The following PTCHD1 variants were observed in gnomAD, a reference collection of about 807,000 sequenced individuals.
The protein encoded by PTCHD1 is patched domain containing 1, also known as patched domain-containing protein 1.
PTCHD1 carries 3 observed loss-of-function variants against 34.6 expected under a neutral mutation model. The ratio of observed to expected loss-of-function variants is 0.09; its 90% CI spans 0.04 to 0.22. The LOEUF (loss-of-function observed/expected upper bound fraction) is 0.22. Ranked by LOEUF, PTCHD1 falls within the 10% of genes least tolerant of loss-of-function variation. The pLI is 1.00. For synonymous variants in PTCHD1, 305 were observed against 283.1 expected (o/e 1.08, Z -0.77); for missense variants, 504 against 685.5 (o/e 0.74, Z 2.96).
rs781260131 is a variant in PTCHD1, at chrX:23,395,634, C to T, written c.*1449C>T. On this transcript the variant is annotated 3_prime_UTR_variant, in exon 3 of 3. Transcript: ENST00000379361. ...CAGAAGAATGGTTCATAGATCTAAA[C>T]AGAAATGGTTTAGATCTAAAAAGGC... is the stretch of plus-strand genomic sequence containing the variant. 2 of 111,906 alleles carry T rather than the reference C, an allele frequency of 1.8e-5. No individual in the cohort carries two copies. Among genetic ancestry groups the T allele is most frequent in the East Asian group, 2.8e-4 (1 of 3,570 alleles). 9.2% of individuals were successfully genotyped at this position (111,906 alleles called of 1,213,427 possible). A position where few individuals can be genotyped will look rare whatever the true frequency, so the allele number is the denominator to read the frequency against.
At chrX:23,362,315 A>C (rs1922010189) in intron 1 of PTCHD1, among the ~76,000 whole-genome samples, 1 of 111,724 alleles carries the variant, frequency 9.0e-6, no homozygotes, top group South Asian at 3.8e-4. Flanking sequence ...GTCTTTTCAC[A>C]GTCCCATATT....
chrX:23,344,749 C>CA (rs755512216), intron 1 of PTCHD1, among the ~76,000 whole-genome samples: 1 of 111,092 alleles, frequency 9.0e-6, no homozygotes, highest in Admixed American at 9.5e-5. Flanking sequence ...GCTTTGCACA[C>CA]AAAAAAAGCC....
chrX:23,393,074 A>G lies in PTCHD1; in HGVS notation c.1556A>G (p.Tyr519Cys). The change falls in exon 3 of 3, where the codon TAT becomes TGT. Residue 519 changes from tyrosine (Y) to cysteine (C), a missense_variant. Coordinates refer to ENST00000379361, the MANE Select transcript of PTCHD1 (RefSeq NM_173495.3). ...TATATTTCCTTTGCCTTAATGGGCT[A>G]TCTGCAGGTCAGTGAAGGGTCAGAC... ...LIYISFALMGYLQVSEGSDLS... is the reference protein window; with the variant it reads ...LIYISFALMGCLQVSEGSDLS... 8.3e-7 allele frequency: 1 copy of G among 1,211,756 alleles called. No individual in the cohort carries two copies.
intron 1 of PTCHD1, among the ~76,000 whole-genome samples, chrX:23,365,500 A>G (rs1922117142): frequency 9.0e-6 from 1 of 110,508 alleles, no homozygotes; most frequent in Non-Finnish European, 1.9e-5. Flanking sequence ...CAGAGGGGAG[A>G]GAAAGAAAGA....
intron 2 of PTCHD1, among the ~76,000 whole-genome samples, chrX:23,380,847 G>C (rs745933389): frequency 2.7e-5 from 3 of 111,274 alleles, no homozygotes; most frequent in East Asian, 2.8e-4. Flanking sequence ...GATTCATTGA[G>C]GGCTGCTCCC....
rs761301286 is a variant in PTCHD1, at chrX:23,401,023, T to TTG, written c.*6872_*6873dup. On this transcript the variant is annotated 3_prime_UTR_variant, in exon 3 of 3. Transcript: ENST00000379361. ...GGTGCCCGCCACCGCGCCCGGCTAA[T>TTG]TGTGTGTGTGTGTGTGTGTGTGTGT... 0.15 allele frequency: 14,388 copies of TTG among 94,342 alleles called. 1,044 individuals carry two copies. The highest frequency in any genetic ancestry group is 0.2 in the Non-Finnish European group (9,336 of 47,544). 7.8% of individuals were successfully genotyped at this position (94,342 alleles called of 1,213,427 possible). A position where few individuals can be genotyped will look rare whatever the true frequency, so the allele number is the denominator to read the frequency against.
intron 1 of PTCHD1, among the ~76,000 whole-genome samples, chrX:23,350,219 G>C (rs759161416): frequency 1.2e-4 from 13 of 110,944 alleles, no homozygotes; most frequent in African/African-American, 3.3e-4. Context: ...ATTTAACTCT[G>C]TCCAGTTTGG....
chrX:23,374,016 TAGA>T (rs1195403883), intron 1 of PTCHD1, among the ~76,000 whole-genome samples: 2 of 109,164 alleles, frequency 1.8e-5, no homozygotes, highest in Non-Finnish European at 3.8e-5. Context: ...TATTTGGGAG[TAGA>T]AGAAGTGGGA....
At chrX:23,345,571 G>C (rs1921452258) in intron 1 of PTCHD1, among the ~76,000 whole-genome samples, 1 of 112,031 alleles carries the variant, frequency 8.9e-6, no homozygotes, top group Admixed American at 9.4e-5. Context: ...GAACTTGTTC[G>C]AAACAGATTG....
At chrX:23,371,365 G>A (rs1034697120) in intron 1 of PTCHD1, among the ~76,000 whole-genome samples, 2 of 111,576 alleles carry the variant, frequency 1.8e-5, no homozygotes, top group African/African-American at 6.5e-5. Flanking sequence ...AAAAGCCGTC[G>A]GCTATGGAGG....
At chrX:23,338,369 C>T (rs1183012777) in intron 1 of PTCHD1, among the ~76,000 whole-genome samples, 1 of 112,182 alleles carries the variant, frequency 8.9e-6, no homozygotes, top group African/African-American at 3.2e-5. Flanking sequence ...AAAGGAGGGC[C>T]TCACAAGCTT....
chrX:23,360,683 T>C (rs1193688181), intron 1 of PTCHD1, among the ~76,000 whole-genome samples: 2 of 111,491 alleles, frequency 1.8e-5, no homozygotes, highest in Admixed American at 9.6e-5. Context: ...TTTCTTGCCT[T>C]CTGCTAGCTT....
At chrX:23,370,616 G>A (rs980927924) in intron 1 of PTCHD1, among the ~76,000 whole-genome samples, 1 of 111,716 alleles carries the variant, frequency 9.0e-6, no homozygotes, top group African/African-American at 3.3e-5. Flanking sequence ...ATATCATTAG[G>A]TGGAACTTTC....
intron 1 of PTCHD1, among the ~76,000 whole-genome samples, chrX:23,372,780 G>C (rs1287617387): frequency 9.0e-6 from 1 of 111,692 alleles, no homozygotes; most frequent in African/African-American, 3.3e-5. Flanking sequence ...GGTCCTCTTA[G>C]AGCTATCCAA....
At chrX:23,337,531 A>AT (rs113392959) in intron 1 of PTCHD1, among the ~76,000 whole-genome samples, 3 of 107,255 alleles carry the variant, frequency 2.8e-5, no homozygotes, top group Non-Finnish European at 5.8e-5. Flanking sequence ...TTTTTTTTTA[A>AT]TTTTTTTCAT....
At chrX:23,344,748 A>C (rs1921431674) in intron 1 of PTCHD1, among the ~76,000 whole-genome samples, 1 of 111,576 alleles carries the variant, frequency 9.0e-6, no homozygotes. Flanking sequence ...GGCTTTGCAC[A>C]CAAAAAAAGC....
At position 23,364,371 on chromosome X, in the gene PTCHD1, GACACACAC is replaced by G. The variant is rs200572986; in HGVS notation, c.352-15183_352-15176del. Among the ~76,000 whole-genome samples the G allele has an allele frequency of 6.3e-3, 577 of 91,983 alleles. 2 individuals are homozygous for G. The highest frequency in any genetic ancestry group is 9.8e-3 in the African/African-American group (239 of 24,423). 79.9% of individuals were successfully genotyped at this position (91,983 alleles called of 115,157 possible). ...TCATACCTTAATTATGAAGAGTGTA[GACACACAC>G]ACACACACACACACACACACACACA... On this transcript the variant is annotated intron_variant, in intron 1 of 2. Transcript: ENST00000379361.
Position 23,396,159 on chromosome X carries a change from T to C in PTCHD1, c.*1974T>C, listed in dbSNP as rs1922984641. The C allele has an allele frequency of 8.9e-6, 1 of 112,458 alleles. No individual in the cohort carries two copies. Among genetic ancestry groups the C allele is most frequent in the Admixed American group, 9.5e-5 (1 of 10,565 alleles). 9.3% of individuals were successfully genotyped at this position (112,458 alleles called of 1,213,427 possible). On this transcript the variant is annotated 3_prime_UTR_variant, in exon 3 of 3. Transcript: ENST00000379361. The stretch of plus-strand genomic sequence containing the variant: ...ACCACACCAAGTGCAAACCTGTGCT[T>C]TCTATTTCACGTACTGTTGTCCATA...
chrX:23,362,510 CT>C (rs1922015660), intron 1 of PTCHD1, among the ~76,000 whole-genome samples: 1 of 112,215 alleles, frequency 8.9e-6, no homozygotes, highest in Admixed American at 9.4e-5. Flanking sequence ...ACTGTTTATT[CT>C]AGTTAACCAT....
Sources: gnomAD v4.1 joint callset for allele counts (sites outside exome capture counted in the v4.1 genomes callset) on GRCh38, gnomAD v4.1.1 for gene constraint, MANE v1.5 for transcripts, NCBI Gene and HGNC (gene_info 2026-07-23, HGNC 2026-07-21) for gene names.